The following GNE variants were observed in gnomAD, a reference collection of about 807,000 sequenced individuals.
GNE encodes the protein bifunctional UDP-N-acetylglucosamine 2-epimerase/N-acetylmannosamine kinase.
Under a neutral mutation model 61.8 loss-of-function variants are expected in GNE, and 41 were observed. The observed-to-expected ratio is 0.66, with a 90% CI of 0.52 to 0.86. GNE has a LOEUF of 0.86. GNE is among the 40% of genes least tolerant of loss of function. The pLI, the probability that GNE is intolerant of heterozygous loss-of-function variation, is 0.00. For missense variants in GNE, 608 were observed against 909.1 expected (o/e 0.67, Z 4.26); for synonymous variants, 264 against 326.4 (o/e 0.81, Z 2.06).
At chr9:36,269,692 C>T (rs1413833529) in intron 1 of GNE, among the ~76,000 whole-genome samples, 1 of 131,524 alleles carries the variant, frequency 7.6e-6, no homozygotes, top group Non-Finnish European at 1.6e-5. Flanking sequence ...GACGGAGTCT[C>T]GCTCTGTCGC....
Position 36,218,346 on chromosome 9 carries a change from G to A in GNE, c.1817-47C>T. The A allele has an allele frequency of 1.5e-6, 2 of 1,374,702 alleles. No homozygotes were observed. The highest frequency in any genetic ancestry group is 2.8e-5 in the African/African-American group (2 of 70,670). The allele number at this position is 1,374,702 out of a possible 1,614,324, so 85.2% of individuals were successfully genotyped here. On this transcript the variant is annotated intron_variant, in intron 10 of 11. Transcript: ENST00000642385. The surrounding 1 kb of genome is among the most constrained non-coding windows in gnomAD (Gnocchi z 4.1). ...AGCAGTCACTAATGAGCTGTGGGGA[G>A]GCCAAGCTCACCACTGGGCCTGTGG... is the stretch of plus-strand genomic sequence containing the variant.
At chr9:36,263,075 C>T (rs1335615574), upstream of GNE, 1 of 152,196 alleles carries the variant, frequency 6.6e-6, no homozygotes, top group Non-Finnish European at 1.5e-5. Flanking sequence ...AGCCCTTGAT[C>T]CCACTTGCTT....
At chr9:36,254,513 C>T (rs10738961) in intron 1 of GNE, among the ~76,000 whole-genome samples, 117,519 of 152,044 alleles carry the variant, frequency 0.77, 45,938 homozygotes, top group African/African-American at 0.81. Flanking sequence ...GCCTGAAAGA[C>T]TGAGCAAGAC....
At chr9:36,258,934 C>T (rs569215088), upstream of GNE, among the ~76,000 whole-genome samples, 22 of 152,214 alleles carry the variant, frequency 1.4e-4, no homozygotes, top group Non-Finnish European at 2.4e-4. Flanking sequence ...ATGACCAAGG[C>T]ATGGCAGAGC....
At chr9:36,227,903 G>T (rs1430437871) in intron 6 of GNE, among the ~76,000 whole-genome samples, 1 of 151,554 alleles carries the variant, frequency 6.6e-6, no homozygotes, top group Non-Finnish European at 1.5e-5. Flanking sequence ...AGGCGTTGTG[G>T]GTGCCTGTAA....
chr9:36,236,738 A>AAGATGAGC (rs1471872247), intron 4 of GNE, 94 bp downstream of exon 4: 15 of 1,077,922 alleles, frequency 1.4e-5, no homozygotes, highest in Non-Finnish European at 2.0e-5. Flanking sequence ...CTTCAATGAT[A>AAGATGAGC]AGATGAGCAA....
upstream of GNE, chr9:36,263,176 C>CTT (rs11380173): frequency 6.7e-4 from 97 of 145,484 alleles, no homozygotes; most frequent in East Asian, 1.4e-3. Context: ...TCAGCCATCA[C>CTT]TTTTTTTTTT....
intron 6 of GNE, among the ~76,000 whole-genome samples, chr9:36,228,809 A>AG (rs1203064269): frequency 1.3e-5 from 2 of 151,698 alleles, no homozygotes; most frequent in South Asian, 2.1e-4. Flanking sequence ...AAAAAAAAAA[A>AG]AAAAGAAATA....
In GNE at chr9:36,256,445, A is replaced by G. The variant is rs569624648; in HGVS notation, c.-43+1876T>C. 4.0e-5 allele frequency among the ~76,000 whole-genome samples: 6 copies of G among 150,806 alleles called. No homozygotes were observed. In the East Asian group the frequency reaches 5.9e-4, roughly 15 times the overall value. On this transcript the variant is annotated intron_variant, in intron 1 of 11. Transcript: ENST00000642385. ...TTTTTAGTAGAGATGAGGTTTCATC[A>G]TGTTGGCCAGGCTGGTCTTGAACTC...
chr9:36,256,267 GAGAC>G (rs377326987), intron 1 of GNE, among the ~76,000 whole-genome samples: 935 of 48,044 alleles, frequency 0.019, 22 homozygotes, highest in African/African-American at 0.074. Context: ...TTTTTTTTTT[GAGAC>G]AGACAGCCTG....
chr9:36,234,256 T>C, intron 4 of GNE, 124 bp from the exon 5 acceptor site: 1 of 770,710 alleles, frequency 1.3e-6, no homozygotes, highest in Non-Finnish European at 2.3e-6. Flanking sequence ...ATTAGGGAAA[T>C]AGTAATTTTA....
chr9:36,256,539 C>T (rs1288335053), intron 1 of GNE, among the ~76,000 whole-genome samples: 2 of 152,142 alleles, frequency 1.3e-5, no homozygotes, highest in Admixed American at 6.6e-5. Flanking sequence ...GCCACCACGC[C>T]CGGCAGAAAC....
At chr9:36,242,548 T>C (rs1436520073) in intron 3 of GNE, among the ~76,000 whole-genome samples, 1 of 152,040 alleles carries the variant, frequency 6.6e-6, no homozygotes, top group Non-Finnish European at 1.5e-5. Context: ...GCCTCCCAAG[T>C]ACCTGGGACT....
At chr9:36,229,304 C>T (rs1275250839) in intron 5 of GNE, among the ~76,000 whole-genome samples, 196 bp from the exon 6 acceptor site, 1 of 152,168 alleles carries the variant, frequency 6.6e-6, no homozygotes, top group African/African-American at 2.4e-5. Context: ...GTACATCAAA[C>T]ACTTAAGGGC....
In GNE at chr9:36,214,832, G is replaced by T. The variant is rs1418330336; in HGVS notation, c.*2533C>A. 1 of 152,210 alleles carries T rather than the reference G, an allele frequency of 6.6e-6. No individual in the cohort carries two copies. Among genetic ancestry groups the T allele is most frequent in the Non-Finnish European group, 1.5e-5 (1 of 68,032 alleles). 9.4% of individuals were successfully genotyped at this position (152,210 alleles called of 1,614,324 possible). ...ACCAGGCCCTGGAGATTACTGCAGGGCTGGCAGAGTTTTAGGAATCAGCCA... is the reference window on the plus strand; with the variant it reads ...ACCAGGCCCTGGAGATTACTGCAGGTCTGGCAGAGTTTTAGGAATCAGCCA... On this transcript the variant is annotated 3_prime_UTR_variant, in exon 12 of 12. Transcript: ENST00000642385.
chr9:36,241,362 G>A (rs560773432), intron 3 of GNE, among the ~76,000 whole-genome samples: 44 of 152,100 alleles, frequency 2.9e-4, no homozygotes, highest in Non-Finnish European at 5.7e-4. Flanking sequence ...TGATCTGCCC[G>A]CCTCGGCCTC....
At chr9:36,237,807 G>GC (rs1192483061) in intron 3 of GNE, among the ~76,000 whole-genome samples, 7 of 146,904 alleles carry the variant, frequency 4.8e-5, no homozygotes, top group Non-Finnish European at 1.0e-4. Context: ...TCTATCCCTC[G>GC]CCCCCTCCTA....
chr9:36,263,333 G>A, upstream of GNE: 1 of 220,662 alleles, frequency 4.5e-6, no homozygotes, highest in Non-Finnish European at 1.0e-5. Context: ...ACCGCGCCCG[G>A]CTAATTTTTG....
chr9:36,266,619 C>T (rs922951399), intron 1 of GNE, among the ~76,000 whole-genome samples: 2 of 151,680 alleles, frequency 1.3e-5, no homozygotes, highest in African/African-American at 4.8e-5. Context: ...ACTAAAAATA[C>T]AAAAATTAGG....
Sources: allele counts gnomAD v4.1 joint callset (sites outside exome capture counted in the v4.1 genomes callset), GRCh38; gene constraint gnomAD v4.1.1; non-coding constraint Gnocchi (gnomAD v3.1); transcripts MANE v1.5; gene names NCBI Gene and HGNC (gene_info 2026-07-23, HGNC 2026-07-21).